The following TLK1 variants were observed in gnomAD, a reference collection of about 807,000 sequenced individuals.
The protein encoded by TLK1 is tousled like kinase 1, also known as serine/threonine-protein kinase tousled-like 1.
TLK1 carries 24 observed loss-of-function variants against 105.3 expected under a neutral mutation model. The observed-to-expected ratio is 0.23, with a 90% CI of 0.17 to 0.32. The LOEUF is 0.32. Among genes scored for constraint, TLK1 ranks in the 10% least tolerant of loss-of-function variants. TLK1 has a pLI of 1.00. For synonymous variants in TLK1, 321 were observed against 310.4 expected, an observed-to-expected ratio of 1.03 and a Z score of -0.36; for missense variants, 558 against 910.5, an observed-to-expected ratio of 0.61 and a Z score of 4.98.
chr2:171,177,145 T>C (rs1692844817), intron 1 of TLK1, among the ~76,000 whole-genome samples: 1 of 150,228 alleles, frequency 6.7e-6, no homozygotes. Flanking sequence ...TCTTTTCTTT[T>C]TTCTTTTCTT....
intron 1 of TLK1, among the ~76,000 whole-genome samples, chr2:171,132,158 G>T (rs1054380752): frequency 1.3e-5 from 2 of 152,180 alleles, no homozygotes; most frequent in Non-Finnish European, 2.9e-5. Context: ...GAAGCCTCAG[G>T]AAACTTACAA....
chr2:171,087,904 C>T (rs1003562951), intron 2 of TLK1, among the ~76,000 whole-genome samples: 2 of 152,160 alleles, frequency 1.3e-5, no homozygotes, highest in African/African-American at 4.8e-5. Context: ...GACCCTTAGG[C>T]CCTTTCTTGT....
intron 1 of TLK1, among the ~76,000 whole-genome samples, chr2:171,204,454 G>A (rs1022474554): frequency 4.4e-4 from 67 of 151,808 alleles, no homozygotes; most frequent in African/African-American, 1.6e-3. Context: ...TTTTCAGGAA[G>A]CAAAGATGTT....
intron 2 of TLK1, among the ~76,000 whole-genome samples, chr2:171,097,108 C>T (rs980863519): frequency 2.0e-5 from 3 of 152,162 alleles, no homozygotes; most frequent in African/African-American, 2.4e-5. Flanking sequence ...CAAAACAGTA[C>T]AGTACTGGCA....
At chr2:171,027,497 A>C (rs1325373127) in intron 12 of TLK1, among the ~76,000 whole-genome samples, 1 of 152,244 alleles carries the variant, frequency 6.6e-6, no homozygotes, top group East Asian at 1.9e-4. Flanking sequence ...AGTTTACGAC[A>C]ATAACACATA....
chr2:171,190,353 A>G (rs1268592249), intron 1 of TLK1, among the ~76,000 whole-genome samples: 1 of 152,238 alleles, frequency 6.6e-6, no homozygotes, highest in Non-Finnish European at 1.5e-5. Flanking sequence ...ACAGGCCTCA[A>G]CATAAAGCTT....
At chr2:171,132,698 G>A (rs1558960131) in intron 1 of TLK1, among the ~76,000 whole-genome samples, 1 of 152,122 alleles carries the variant, frequency 6.6e-6, no homozygotes, top group African/African-American at 2.4e-5. Context: ...GGGCCACATA[G>A]TAAGACCTCA....
chr2:171,164,713 A>T (rs1038264809), upstream of TLK1, among the ~76,000 whole-genome samples: 1 of 152,270 alleles, frequency 6.6e-6, no homozygotes, highest in African/African-American at 2.4e-5. Flanking sequence ...GTGCAAATAC[A>T]TAATTTTATA....
chr2:171,023,011 A>G, intron 12 of TLK1: 1 of 469,206 alleles, frequency 2.1e-6, no homozygotes, highest in Non-Finnish European at 4.4e-6. Context: ...TAAAGATTTC[A>G]TCATGGAAGA....
intron 1 of TLK1, among the ~76,000 whole-genome samples, chr2:171,196,051 AAG>A (rs1491327936): frequency 1.4e-4 from 17 of 118,810 alleles, no homozygotes; most frequent in Middle Eastern, 4.6e-3. Flanking sequence ...AAAAAAAAAA[AAG>A]AAAGAAAGAA....
intron 1 of TLK1, among the ~76,000 whole-genome samples, chr2:171,146,743 G>A (rs1227960192): frequency 6.6e-6 from 1 of 152,170 alleles, no homozygotes; most frequent in East Asian, 1.9e-4. Context: ...CTTCTGTAGG[G>A]AGTACTTTGT....
In TLK1 at chr2:171,049,868, C is replaced by A; in HGVS notation, c.926G>T (p.Gly309Val). The change falls in exon 10 of 21, where the codon GGC becomes GTC. Residue 309 changes from glycine (G) to valine (V), a missense_variant. Around this residue, in one of 5 missense-constraint regions of TLK1, gnomAD observed 196 missense variants for 239.3 expected, o/e 0.82. Coordinates refer to ENST00000431350, the MANE Select transcript of TLK1 (RefSeq NM_012290.5). ...TGTCCATTGTTCAGTAAATGAAGCG[C>A]CATGTCTAACTGTTGTAAAGTGCCC... Reference protein sequence around the residue: ...RLGHFTTVRHGASFTEQWTDG... With the variant: ...RLGHFTTVRHVASFTEQWTDG... 1 of 1,613,876 alleles carries A rather than the reference C, an allele frequency of 6.2e-7. No homozygotes were observed. Among genetic ancestry groups the A allele is most frequent in the Non-Finnish European group, 8.5e-7 (1 of 1,179,946 alleles).
chr2:171,039,162 T>C (rs1686528295), intron 11 of TLK1, among the ~76,000 whole-genome samples: 2 of 152,206 alleles, frequency 1.3e-5, no homozygotes, highest in Admixed American at 1.3e-4. Context: ...TAAACTGTTA[T>C]TTCAATATGT....
intron 3 of TLK1, among the ~76,000 whole-genome samples, chr2:171,071,594 T>C (rs1688259746): frequency 6.6e-6 from 1 of 152,082 alleles, no homozygotes; most frequent in African/African-American, 2.4e-5. Flanking sequence ...ACCCCATTTG[T>C]CCATTTTTAC....
chr2:171,053,656 T>C (rs1687355539), intron 8 of TLK1, 105 bp downstream of exon 8: 1 of 874,810 alleles, frequency 1.1e-6, no homozygotes, highest in Non-Finnish European at 1.7e-6. Flanking sequence ...CCACTGCGCC[T>C]GGCCTAGCTA....
chr2:171,127,139 T>C (rs1222419693), intron 1 of TLK1, among the ~76,000 whole-genome samples: 1 of 151,848 alleles, frequency 6.6e-6, no homozygotes, highest in African/African-American at 2.4e-5. Context: ...TAGCCAGGCG[T>C]GGTGGTGCAC....
rs775586852 is a variant in TLK1 at position 171,082,843 on chromosome 2, T to C, written c.268A>G (p.Asn90Asp). ...SCSVGAKAST[N>D]NESSNHSFGS... ...AAACTGTGATTAGAGCTTTCGTTAT[T>C]TGTTGAGGCCTGTTAAAGATTTTTT... is the stretch of plus-strand genomic sequence containing the variant. Residue 90 changes from asparagine to aspartate, a missense_variant, in exon 3 of 21, where the codon AAT (asparagine) becomes GAT (aspartate). Physicochemically the swap from Asn to Asp is conservative, Grantham distance 23 (BLOSUM62 1). Around this residue, in one of 5 missense-constraint regions of TLK1, gnomAD observed 104 missense variants for 116.0 expected, o/e 0.90. Transcript: ENST00000431350. The C allele has an allele frequency of 1.9e-6, 3 of 1,609,032 alleles. No homozygotes were observed. Among genetic ancestry groups the C allele is most frequent in the African/African-American group, 1.3e-5 (1 of 74,818 alleles).
chr2:171,148,929 G>A (rs977555640), intron 1 of TLK1, among the ~76,000 whole-genome samples: 1 of 144,790 alleles, frequency 6.9e-6, no homozygotes. Flanking sequence ...GTGTGTGTGC[G>A]TGTGCGTGTG....
At chr2:171,165,450 T>C (rs1470224838), upstream of TLK1, among the ~76,000 whole-genome samples, 2 of 152,256 alleles carry the variant, frequency 1.3e-5, no homozygotes, top group African/African-American at 4.8e-5. Context: ...TCATAATTTA[T>C]AACTATGTTT....
Sources: allele counts gnomAD v4.1 joint callset (sites outside exome capture counted in the v4.1 genomes callset), GRCh38; gene constraint gnomAD v4.1.1; regional missense constraint gnomAD v4.1.1; transcripts MANE v1.5; gene names NCBI Gene and HGNC (gene_info 2026-07-23, HGNC 2026-07-21).